Variants in MGAT4C observed in about 807,000 individuals in gnomAD.
MGAT4C encodes alpha-1,3-mannosyl-glycoprotein 4-beta-N-acetylglucosaminyltransferase C.
Under a neutral mutation model 40.1 loss-of-function variants are expected in MGAT4C, and 19 were observed. The observed-to-expected ratio is 0.47, with a 90% CI of 0.33 to 0.70. The LOEUF is 0.70. Ranked by LOEUF, MGAT4C falls within the 30% of genes least tolerant of loss-of-function variation. The probability of loss-of-function intolerance (pLI) is 0.02; values close to 1 mark genes in which losing one functional copy is unlikely to be tolerated. For synonymous variants in MGAT4C, 181 were observed against 187.1 expected (o/e 0.97, Z 0.27); for missense variants, 491 against 563.2 (o/e 0.87, Z 1.30).
At chr12:86,808,214 C>T (rs191983070) in intron 1 of MGAT4C, among the ~76,000 whole-genome samples, 89 of 152,184 alleles carry the variant, frequency 5.8e-4, no homozygotes, top group African/African-American at 1.9e-3. Flanking sequence ...GAGGAGCAGA[C>T]ATCCGTCCTT....
At position 85,958,307 on chromosome 12, in the gene MGAT4C, A is replaced by C. The variant is rs1377596713; in HGVS notation, c.*20982T>G. ...AGGCTGGTCTTGAGCTCCTGATTTC[A>C]GGAGTTCTTGGCCTCTCAAAGTACC... is the stretch of plus-strand genomic sequence containing the variant. On this transcript the variant is annotated 3_prime_UTR_variant, in exon 5 of 5. Transcript: ENST00000611864. 2 of 152,126 alleles carry C rather than the reference A, an allele frequency of 1.3e-5. No homozygotes were observed. The highest frequency in any genetic ancestry group is 2.9e-5 in the Non-Finnish European group (2 of 68,068). 9.4% of individuals were successfully genotyped at this position (152,126 alleles called of 1,614,324 possible).
intron 2 of MGAT4C, among the ~76,000 whole-genome samples, chr12:86,556,209 TGAG>T (rs1442882290): frequency 6.6e-6 from 1 of 152,122 alleles, no homozygotes; most frequent in African/African-American, 2.4e-5. Flanking sequence ...TACTTAAAGA[TGAG>T]GGGTAAATAT....
intron 2 of MGAT4C, among the ~76,000 whole-genome samples, chr12:86,724,318 T>C (rs1279102484): frequency 6.6e-6 from 1 of 152,230 alleles, no homozygotes; most frequent in Non-Finnish European, 1.5e-5. Context: ...ATTGTAATGC[T>C]TTAATGATGC....
intron 2 of MGAT4C, among the ~76,000 whole-genome samples, chr12:86,684,430 A>G (rs946060366): frequency 1.3e-5 from 2 of 152,194 alleles, no homozygotes; most frequent in Non-Finnish European, 2.9e-5. Flanking sequence ...CCAGTCTATC[A>G]TTGATGGGCA....
intron 2 of MGAT4C, among the ~76,000 whole-genome samples, chr12:86,667,778 T>A (rs1320791815): frequency 1.3e-5 from 2 of 152,224 alleles, no homozygotes; most frequent in Admixed American, 1.3e-4. Flanking sequence ...TGTGTAAAAG[T>A]CTTTCTTAGT....
rs529667692 is a variant in MGAT4C at position 86,127,029 on chromosome 12, G to T, written c.-56-77306C>A. On this transcript the variant is annotated intron_variant, in intron 1 of 4. Transcript: ENST00000611864. ...TTCACAATAGGGTTCACACTCCTGT[G>T]AGAATCTAATGCTGCAGCTGGTCTG... is the stretch of plus-strand genomic sequence containing the variant. 3.3e-5 allele frequency among the ~76,000 whole-genome samples: 5 copies of T among 152,306 alleles called. No homozygotes were observed. The East Asian group carries it at 9.6e-4, about 29-fold the overall frequency.
At chr12:86,324,848 T>A (rs576384010) in intron 4 of MGAT4C, among the ~76,000 whole-genome samples, 1 of 152,132 alleles carries the variant, frequency 6.6e-6, no homozygotes, top group Non-Finnish European at 1.5e-5. Context: ...AGTACTTGGA[T>A]AACAGTCTTA....
At chr12:86,520,935 ATTTG>A (rs1404311456) in intron 2 of MGAT4C, among the ~76,000 whole-genome samples, 5 of 151,998 alleles carry the variant, frequency 3.3e-5, no homozygotes, top group Non-Finnish European at 5.9e-5. Flanking sequence ...TTTTATCGAA[ATTTG>A]TTTAAGTTCC....
chr12:86,414,913 C>A (rs1956677598), intron 3 of MGAT4C, among the ~76,000 whole-genome samples: 1 of 152,054 alleles, frequency 6.6e-6, no homozygotes, highest in Non-Finnish European at 1.5e-5. Context: ...TTTCTCCCTG[C>A]AAAACAAGTT....
At chr12:86,838,215 G>A (rs1026805148) in intron 1 of MGAT4C, among the ~76,000 whole-genome samples, 3 of 151,806 alleles carry the variant, frequency 2.0e-5, no homozygotes, top group South Asian at 2.1e-4. Context: ...TGTATCATAC[G>A]CATCCATGAT....
At chr12:86,636,153 G>A (rs1408317553) in intron 2 of MGAT4C, among the ~76,000 whole-genome samples, 1 of 151,974 alleles carries the variant, frequency 6.6e-6, no homozygotes, top group Non-Finnish European at 1.5e-5. Flanking sequence ...AGCTAGCTTT[G>A]TGTAATTGTA....
chr12:86,774,338 TCTGTCTCTCTCTCTCCCC>T (rs1565981629), intron 1 of MGAT4C, among the ~76,000 whole-genome samples: 5 of 101,582 alleles, frequency 4.9e-5, no homozygotes, highest in African/African-American at 1.8e-4. Flanking sequence ...TTTCTTTCTT[TCTGTCTCTCTCTCTCCCC>T]TCTCTCTCTC....
chr12:86,429,380 T>C (rs1002934290), intron 3 of MGAT4C, among the ~76,000 whole-genome samples: 9 of 152,184 alleles, frequency 5.9e-5, no homozygotes, highest in African/African-American at 2.2e-4. Flanking sequence ...TACCTTAGCA[T>C]GTGATCTATT....
At chr12:86,293,756 TAGTG>T (rs1953586871) in intron 4 of MGAT4C, among the ~76,000 whole-genome samples, 1 of 152,168 alleles carries the variant, frequency 6.6e-6, no homozygotes, top group Admixed American at 6.5e-5. Flanking sequence ...GTTCTCATGA[TAGTG>T]AGTGAGTTCT....
At chr12:86,616,520 G>C in intron 2 of MGAT4C, among the ~76,000 whole-genome samples, 1 of 152,088 alleles carries the variant, frequency 6.6e-6, no homozygotes, top group Non-Finnish European at 1.5e-5. Flanking sequence ...TGTAGTTCAT[G>C]TAAGAGTTGC....
chr12:86,822,075 TAG>T (rs979482523), intron 1 of MGAT4C, among the ~76,000 whole-genome samples: 1 of 151,064 alleles, frequency 6.6e-6, no homozygotes, highest in Non-Finnish European at 1.5e-5. Context: ...TGTTAAAGTG[TAG>T]AGTTTTATAA....
At chr12:86,763,693 T>A (rs1402638629) in intron 1 of MGAT4C, among the ~76,000 whole-genome samples, 6 of 152,132 alleles carry the variant, frequency 3.9e-5, no homozygotes. Context: ...GGGACAAACA[T>A]ACACAACTGA....
chr12:86,065,663 C>G (rs1461100919), intron 1 of MGAT4C, among the ~76,000 whole-genome samples: 1 of 152,024 alleles, frequency 6.6e-6, no homozygotes, highest in East Asian at 1.9e-4. Flanking sequence ...ACAAGGGTGC[C>G]CTCTCTCAGC....
intron 3 of MGAT4C, among the ~76,000 whole-genome samples, chr12:86,349,937 A>C: frequency 6.6e-6 from 1 of 151,992 alleles, no homozygotes; most frequent in Non-Finnish European, 1.5e-5. Context: ...AATTCTTTCT[A>C]AACTAAAATG....
Sources: gnomAD v4.1 joint callset for allele counts (sites outside exome capture counted in the v4.1 genomes callset) on GRCh38, gnomAD v4.1.1 for gene constraint, MANE v1.5 for transcripts, NCBI Gene and HGNC (gene_info 2026-07-23, HGNC 2026-07-21) for gene names.